The following GRB10 variants were observed in gnomAD, a reference collection of about 807,000 sequenced individuals.
The protein encoded by GRB10 is growth factor receptor bound protein 10, also known as growth factor receptor-bound protein 10.
In GRB10, 20 loss-of-function variants were observed where a neutral mutation model predicts 80.9. The observed-to-expected ratio is 0.25, with a 90% confidence interval of 0.17 to 0.36. GRB10 has a LOEUF of 0.36. GRB10 is among the 10% of genes least tolerant of loss of function. The pLI, the probability that GRB10 is intolerant of heterozygous loss-of-function variation, is 1.00. For synonymous variants in GRB10, 291 were observed against 291.5 expected (o/e 1.00, Z 0.02); for missense variants, 548 against 747.7 (o/e 0.73, Z 3.12).
intron 7 of GRB10, among the ~76,000 whole-genome samples, chr7:50,640,812 C>T (rs1447715184): frequency 6.6e-6 from 1 of 152,212 alleles, no homozygotes; most frequent in Non-Finnish European, 1.5e-5. Flanking sequence ...GGACTCTCAC[C>T]TCTATCTAAT....
intron 3 of GRB10, among the ~76,000 whole-genome samples, chr7:50,752,174 G>A (rs976142280): frequency 6.6e-6 from 1 of 151,768 alleles, no homozygotes; most frequent in Non-Finnish European, 1.5e-5. Context: ...AGAAGAATGT[G>A]AGAGGGCTCT....
At chr7:50,620,415 G>A (rs1287588119) in intron 8 of GRB10, among the ~76,000 whole-genome samples, 1 of 152,168 alleles carries the variant, frequency 6.6e-6, no homozygotes, top group Non-Finnish European at 1.5e-5. Flanking sequence ...AGTGATCTCA[G>A]AATGCAGAAA....
intron 3 of GRB10, chr7:50,747,438 A>G (rs2073157682): frequency 6.6e-6 from 1 of 152,220 alleles, no homozygotes; most frequent in East Asian, 1.9e-4. Flanking sequence ...CCTTTAATCT[A>G]GCAAGGCAGC....
intron 3 of GRB10, among the ~76,000 whole-genome samples, chr7:50,749,853 G>C (rs889548025): frequency 1.3e-5 from 2 of 152,182 alleles, no homozygotes; most frequent in Non-Finnish European, 2.9e-5. Context: ...CTGAAAGCAT[G>C]AAATGCTTTA....
At chr7:50,789,414 G>A (rs776674429) in intron 1 of GRB10, among the ~76,000 whole-genome samples, 4 of 152,180 alleles carry the variant, frequency 2.6e-5, no homozygotes, top group Non-Finnish European at 4.4e-5. Context: ...CCAACAAGCC[G>A]TGGGGATAAA....
chr7:50,620,252 T>C (rs1585799957), intron 8 of GRB10, among the ~76,000 whole-genome samples: 2 of 152,270 alleles, frequency 1.3e-5, no homozygotes, highest in East Asian at 3.9e-4. Context: ...GATGCCAAAA[T>C]GGTACAGATT....
chr7:50,712,071 A>G (rs868447961), intron 4 of GRB10, among the ~76,000 whole-genome samples: 10 of 152,200 alleles, frequency 6.6e-5, no homozygotes, highest in Admixed American at 2.0e-4. Flanking sequence ...AAACATGCAG[A>G]AACTCCACAA....
intron 4 of GRB10, among the ~76,000 whole-genome samples, chr7:50,727,306 C>T (rs1033411956): frequency 2.0e-5 from 3 of 152,184 alleles, no homozygotes; most frequent in African/African-American, 4.8e-5. Flanking sequence ...TGACAGCATC[C>T]CAGGTCATGG....
At chr7:50,724,591 T>C (rs536496857) in intron 4 of GRB10, among the ~76,000 whole-genome samples, 2 of 152,282 alleles carry the variant, frequency 1.3e-5, no homozygotes, top group East Asian at 1.9e-4. Flanking sequence ...AGCTCTGAGC[T>C]GGTCAGTCTC....
At chr7:50,658,738 G>A (rs373862953) in intron 7 of GRB10, among the ~76,000 whole-genome samples, 70 of 152,248 alleles carry the variant, frequency 4.6e-4, no homozygotes, top group South Asian at 4.6e-3. Context: ...TTTGTACTCC[G>A]GAGAAACACT....
chr7:50,615,667 A>G (rs1337813639), intron 11 of GRB10, among the ~76,000 whole-genome samples: 1 of 152,194 alleles, frequency 6.6e-6, no homozygotes, highest in Non-Finnish European at 1.5e-5. Context: ...GCCACAGGGT[A>G]TATGTGGACA....
At chr7:50,776,192 A>G (rs763671704) in intron 2 of GRB10, among the ~76,000 whole-genome samples, 1 of 152,028 alleles carries the variant, frequency 6.6e-6, no homozygotes, top group Non-Finnish European at 1.5e-5. Context: ...CAAGCTAAAA[A>G]TTTTCCATAT....
At chr7:50,685,139 T>C (rs1390980303) in intron 5 of GRB10, among the ~76,000 whole-genome samples, 1 of 152,212 alleles carries the variant, frequency 6.6e-6, no homozygotes, top group Non-Finnish European at 1.5e-5. Context: ...AAATTTAAAA[T>C]CCATTCATTT....
At chr7:50,661,538 G>A (rs989811935) in intron 7 of GRB10, among the ~76,000 whole-genome samples, 12 of 152,194 alleles carry the variant, frequency 7.9e-5, no homozygotes, top group Admixed American at 7.9e-4. Context: ...AAATAAACAA[G>A]TTCCTAATAG....
chr7:50,597,446 CAG>C (rs35315550), intron 17 of GRB10, among the ~76,000 whole-genome samples: 44,482 of 152,168 alleles, frequency 0.29, 6,681 homozygotes, highest in East Asian at 0.48. Context: ...AAAGACTTGT[CAG>C]AGTCATGTCA....
intron 5 of GRB10, 33 bp from the exon 6 acceptor site, chr7:50,674,691 C>G: frequency 6.3e-7 from 1 of 1,582,994 alleles, no homozygotes; most frequent in Non-Finnish European, 8.7e-7. Context: ...AAAAAAGAAA[C>G]TTTAACAATG....
intron 4 of GRB10, among the ~76,000 whole-genome samples, chr7:50,713,171 C>A (rs2066157944): frequency 6.6e-6 from 1 of 152,192 alleles, no homozygotes; most frequent in African/African-American, 2.4e-5. Context: ...GTGAGTATAA[C>A]CTCCAAGGAC....
chr7:50,792,948 C>A (rs1468564686), intron 1 of GRB10: 1 of 147,464 alleles, frequency 6.8e-6, no homozygotes, highest in Non-Finnish European at 1.5e-5. Flanking sequence ...GCGCGGAGAG[C>A]CCCGCGGGGC....
At chr7:50,637,441 C>CAA (rs2055271944) in intron 7 of GRB10, among the ~76,000 whole-genome samples, 1 of 151,536 alleles carries the variant, frequency 6.6e-6, no homozygotes, top group African/African-American at 2.4e-5. Context: ...AATGGCCACA[C>CAA]ACACACACAC....
Sources: allele counts gnomAD v4.1 joint callset (sites outside exome capture counted in the v4.1 genomes callset), GRCh38; gene constraint gnomAD v4.1.1; transcripts MANE v1.5; gene names NCBI Gene and HGNC (gene_info 2026-07-23, HGNC 2026-07-21).